The following PPP1R13L variants were observed in gnomAD, a reference collection of about 807,000 sequenced individuals.
PPP1R13L encodes the protein protein phosphatase 1 regulatory subunit 13 like, also known as relA-associated inhibitor.
In PPP1R13L, 50 loss-of-function variants were observed where a neutral mutation model predicts 80.9. That is an observed-to-expected ratio of 0.62 (90% CI 0.49 to 0.78). The LOEUF is 0.78. PPP1R13L is among the 30% of genes least tolerant of loss of function. The pLI, the probability that PPP1R13L is intolerant of heterozygous loss-of-function variation, is 0.00. For missense variants in PPP1R13L, 1,200 were observed against 1,205.9 expected, an observed-to-expected ratio of 1.00 and a Z score of 0.07; for synonymous variants, 602 against 534.3, an observed-to-expected ratio of 1.13 and a Z score of -1.75.
At chr19:45,399,643 A>ATAG (rs34535999) in intron 1 of PPP1R13L, among the ~76,000 whole-genome samples, 5 of 150,208 alleles carry the variant, frequency 3.3e-5, no homozygotes, top group Non-Finnish European at 3.0e-5. Flanking sequence ...AAATAAATAA[A>ATAG]TATGTTTAAA....
At position 45,380,193 on chromosome 19, in the gene PPP1R13L, G is replaced by T; in HGVS notation, c.2484C>A (p.Val828=). Residue 828 remains valine (V), a synonymous_variant, in exon 13 of 13, where the codon GTC becomes GTA. Transcript: ENST00000360957. ...TCAGAAACCTCCTTCTATCCTGCTAGACTTTACTCCTTTGAGGCTTCACCC... is the reference window on the plus strand; with the variant it reads ...TCAGAAACCTCCTTCTATCCTGCTATACTTTACTCCTTTGAGGCTTCACCC... The part of the protein sequence containing the change: ...FPRVKPQRSK[V] 1.2e-6 allele frequency: 2 copies of T among 1,614,082 alleles called. No homozygotes were observed. Among genetic ancestry groups the T allele is most frequent in the African/African-American group, 1.3e-5 (1 of 75,046 alleles).
At position 45,380,208 on chromosome 19, in the gene PPP1R13L, A is replaced by T; in HGVS notation, c.2469T>A (p.Pro823=). Reference sequence around the variant, plus strand: ...TATCCTGCTAGACTTTACTCCTTTGAGGCTTCACCCTGGGGAACAGCTGGG... The same window carrying T: ...TATCCTGCTAGACTTTACTCCTTTGTGGCTTCACCCTGGGGAACAGCTGGG... ...NYFGLFPRVK[P]QRSKV is the part of the protein sequence containing the mutation. The change falls in exon 13 of 13, where the codon CCT becomes CCA. Residue 823 remains proline (P), a synonymous_variant. Coordinates refer to ENST00000360957, the MANE Select transcript of PPP1R13L (RefSeq NM_006663.4). 2 of 1,614,034 alleles carry T rather than the reference A, an allele frequency of 1.2e-6. No homozygotes were observed. Among genetic ancestry groups the T allele is most frequent in the Non-Finnish European group, 1.7e-6 (2 of 1,179,992 alleles).
intron 7 of PPP1R13L, chr19:45,392,754 TGA>T: frequency 3.5e-6 from 1 of 284,400 alleles, no homozygotes; most frequent in Non-Finnish European, 6.8e-6. Flanking sequence ...TCTGAGATCC[TGA>T]GAGTTTCCTC....
chr19:45,397,609 C>A (rs1973139496), intron 3 of PPP1R13L, among the ~76,000 whole-genome samples: 1 of 151,376 alleles, frequency 6.6e-6, no homozygotes, highest in Non-Finnish European at 1.5e-5. Context: ...AGGTATGCAC[C>A]ACCACACCTG....
chr19:45,392,346 C>A lies in PPP1R13L; in HGVS notation c.1355-6G>T, dbSNP rs199653290. On this transcript the variant is annotated splice_region_variant and splice_polypyrimidine_tract_variant and intron_variant, in intron 7 of 12. Coordinates refer to ENST00000360957, the MANE Select transcript of PPP1R13L (RefSeq NM_006663.4). ...GGTGGGGGGTTTGGGGGGTCCTAGC[C>A]GGAACAAGAGCCCATCAGAGGACAG... is the stretch of plus-strand genomic sequence containing the variant. 7.4e-6 allele frequency: 12 copies of A among 1,612,948 alleles called. No individual in the cohort carries two copies. Among genetic ancestry groups the A allele is most frequent in the Non-Finnish European group, 1.0e-5 (12 of 1,179,898 alleles).
chr19:45,401,224 G>A lies in PPP1R13L; in HGVS notation c.-21-2885C>T, dbSNP rs188496138. The stretch of plus-strand genomic sequence containing the variant: ...AAAAAAATTAGCTGGGCGTGGTGGC[G>A]GGCGCCTGTAGTCCCAGCTACTCGG... On this transcript the variant is annotated intron_variant, in intron 1 of 12. Coordinates refer to ENST00000360957, the MANE Select transcript of PPP1R13L (RefSeq NM_006663.4). Among the ~76,000 whole-genome samples the A allele has an allele frequency of 2.2e-3, 335 of 151,652 alleles. 1 individual carries two copies. The highest frequency in any genetic ancestry group is 7.6e-3 in the African/African-American group (316 of 41,422).
rs970021727 is a variant in PPP1R13L, at chr19:45,380,114, A to G, written c.*76T>C. On this transcript the variant is annotated 3_prime_UTR_variant, in exon 13 of 13. Coordinates refer to ENST00000360957, the MANE Select transcript of PPP1R13L (RefSeq NM_006663.4). ...GTGAGGGGTGCAGATAAAGGCAGCA[A>G]AAAACAGAGGGAGAGGTCTGGAGGG... is the stretch of plus-strand genomic sequence containing the variant. The G allele has an allele frequency of 2.5e-5, 39 of 1,555,184 alleles. No homozygotes were observed. The highest frequency in any genetic ancestry group is 3.3e-5 in the Non-Finnish European group (37 of 1,129,018).
At position 45,396,060 on chromosome 19, in the gene PPP1R13L, G is replaced by T; in HGVS notation, c.903+108C>A. 1 of 1,354,486 alleles carries T rather than the reference G, an allele frequency of 7.4e-7. No individual in the cohort carries two copies. Among genetic ancestry groups the T allele is most frequent in the Non-Finnish European group, 1.0e-6 (1 of 995,570 alleles). The allele number at this position is 1,354,486 out of a possible 1,614,324, so 83.9% of individuals were successfully genotyped here. ...GTGAAGGGAGAGCGTGGGAACGGGC[G>T]CCGAGACCCAGATCGCAGCCCCGAG... On this transcript the variant is annotated intron_variant, in intron 6 of 12. Transcript: ENST00000360957. This position sits in a 1 kb window ranked among gnomAD's most constrained non-coding sequence, Gnocchi z 5.3.
In PPP1R13L at chr19:45,382,661, C is replaced by G. The variant is rs771917685; in HGVS notation, c.2314G>C (p.Glu772Gln). The stretch of plus-strand genomic sequence containing the variant: ...CGGAAGGACAGCTCGTCCCCGAACT[C>G]GGCGCTGTAGTCCCAGAGAGCGTAC... ...AVYALWDYSA[E>Q]FGDELSFREG... Residue 772 changes from glutamate (E) to glutamine (Q), a missense_variant, in exon 12 of 13, where the codon GAG becomes CAG. Glu to Gln is a conservative substitution (Grantham distance 29). Coordinates refer to ENST00000360957, the MANE Select transcript of PPP1R13L (RefSeq NM_006663.4). The G allele has an allele frequency of 6.2e-7, 1 of 1,613,994 alleles. No individual in the cohort carries two copies. The highest frequency in any genetic ancestry group is 8.5e-7 in the Non-Finnish European group (1 of 1,180,042).
chr19:45,406,341 C>T (rs953651020), upstream of PPP1R13L: 35 of 1,205,796 alleles, frequency 2.9e-5, no homozygotes, highest in African/African-American at 5.0e-4. The surrounding 1 kb of genome is among the most constrained non-coding windows in gnomAD (Gnocchi z 4.2). Flanking sequence ...CTCTTTAAGG[C>T]TTAGGAAGAG....
chr19:45,399,295 T>C (rs1973181125), intron 1 of PPP1R13L, among the ~76,000 whole-genome samples: 1 of 146,798 alleles, frequency 6.8e-6, no homozygotes. Flanking sequence ...CTAGAACCCA[T>C]GCCTACTGCT....
intron 8 of PPP1R13L, among the ~76,000 whole-genome samples, chr19:45,387,066 C>T (rs1348885278): frequency 6.6e-6 from 1 of 151,552 alleles, no homozygotes; most frequent in Non-Finnish European, 1.5e-5. Flanking sequence ...CCCAGGAGTT[C>T]GAGAACAGCT....
In PPP1R13L at chr19:45,382,579, C is replaced by A. The variant is rs748300482; in HGVS notation, c.2396G>T (p.Trp799Leu). The A allele has an allele frequency of 5.6e-6, 9 of 1,613,440 alleles. No homozygotes were observed. Among genetic ancestry groups the A allele is most frequent in the Admixed American group, 1.7e-5 (1 of 59,996 alleles). ...RRDGPEETDW[W>L]WAALHGQEGY... ...CTCCTGGCCGTGCAGCGCGGCCCAC[C>A]ACCAGTCGGTCTCCTCCGGCCCGTC... The change falls in exon 12 of 13, where the codon TGG becomes TTG. Residue 799 changes from tryptophan to leucine, a missense_variant. By Grantham distance (61) the Trp-to-Leu change is moderately conservative. Coordinates refer to ENST00000360957, the MANE Select transcript of PPP1R13L (RefSeq NM_006663.4).
rs1390079504 is a variant in PPP1R13L, at chr19:45,396,234, G to A, written c.837C>T (p.Ala279=). Residue 279 remains alanine (A), a synonymous_variant, in exon 6 of 13, where the codon GCC becomes GCT. Transcript: ENST00000360957. The surrounding 1 kb of genome is among the most constrained non-coding windows in gnomAD (Gnocchi z 5.3). ...AAGGCAACAGCTGCAGGCTCGGCGAGGCAGGCCTTGCGAAGACGTCCAGGC... is the reference window on the plus strand; with the variant it reads ...AAGGCAACAGCTGCAGGCTCGGCGAAGCAGGCCTTGCGAAGACGTCCAGGC... The part of the protein sequence containing the change: ...YERLDVFARP[A]SPSLQLLPWR... 2 of 1,610,022 alleles carry A rather than the reference G, an allele frequency of 1.2e-6. No individual in the cohort carries two copies. The highest frequency in any genetic ancestry group is 1.3e-5 in the African/African-American group (1 of 74,876).
At chr19:45,389,737 G>A (rs995625043) in intron 8 of PPP1R13L, among the ~76,000 whole-genome samples, 5 of 152,074 alleles carry the variant, frequency 3.3e-5, no homozygotes, top group Admixed American at 2.0e-4. Context: ...TTTAACCCAG[G>A]AGGTGGAGTC....
At chr19:45,384,546 T>C (rs1020993509) in intron 11 of PPP1R13L, among the ~76,000 whole-genome samples, 1 of 143,124 alleles carries the variant, frequency 7.0e-6, no homozygotes, top group African/African-American at 2.6e-5. Context: ...AATAAATAAA[T>C]AAAAATAAAT....
chr19:45,396,794 G>T lies in PPP1R13L; in HGVS notation c.463C>A (p.Arg155Ser). The change falls in exon 4 of 13, where the codon CGT (arginine) becomes AGT (serine). Residue 155 changes from arginine to serine, a missense_variant. Transcript: ENST00000360957. The surrounding 1 kb of genome is among the most constrained non-coding windows in gnomAD (Gnocchi z 5.3). The part of the protein sequence containing the change: ...AFDGAGSSLG[R>S]APSPRPGPGP... Reference sequence around the variant, plus strand: ...GGCCCGGGCCGCGGGGAGGGCGCACGGCCGAGGGAGCTGCCTGCGCCATCG... The same window carrying T: ...GGCCCGGGCCGCGGGGAGGGCGCACTGCCGAGGGAGCTGCCTGCGCCATCG... 1 of 1,380,844 alleles carries T rather than the reference G, an allele frequency of 7.2e-7. No homozygotes were observed. Among genetic ancestry groups the T allele is most frequent in the Non-Finnish European group, 9.3e-7 (1 of 1,076,960 alleles). 85.5% of individuals were successfully genotyped at this position (1,380,844 alleles called of 1,614,324 possible).
chr19:45,398,338 G>C lies in PPP1R13L; in HGVS notation c.-20C>G, dbSNP rs767761508. On this transcript the variant is annotated splice_region_variant and 5_prime_UTR_variant, in exon 2 of 13. Coordinates refer to ENST00000360957, the MANE Select transcript of PPP1R13L (RefSeq NM_006663.4). The stretch of plus-strand genomic sequence containing the variant: ...GTCCATGGTGCCGGCCGGAGCGGGC[G>C]CCTGCATGGTGGGGAGGGAGGGAGC... 6 of 1,612,694 alleles carry C rather than the reference G, an allele frequency of 3.7e-6. No homozygotes were observed. In the Admixed American group the frequency reaches 8.3e-5, roughly 22 times the overall value.
intron 11 of PPP1R13L, among the ~76,000 whole-genome samples, chr19:45,384,398 TG>T (rs1310625715): frequency 1.5e-5 from 2 of 133,298 alleles, no homozygotes; most frequent in African/African-American, 5.6e-5. Context: ...TAGCGGGCCG[TG>T]GGGCCCTTGC....
Sources: gnomAD v4.1 joint callset for allele counts (sites outside exome capture counted in the v4.1 genomes callset) on GRCh38, gnomAD v4.1.1 for gene constraint, Gnocchi (gnomAD v3.1) non-coding constraint, MANE v1.5 for transcripts, NCBI Gene and HGNC (gene_info 2026-07-23, HGNC 2026-07-21) for gene names.